TMEM135: variants seen among roughly 807,000 people sequenced by gnomAD.
TMEM135 encodes the protein peroxisomal membrane protein 52.
TMEM135 carries 30 observed loss-of-function variants against 60.3 expected under a neutral mutation model. That is an observed-to-expected ratio of 0.50 (90% CI 0.37 to 0.68). TMEM135 has a LOEUF of 0.68. Ranked by LOEUF, TMEM135 falls within the 30% of genes least tolerant of loss-of-function variation. The pLI is 0.00. For synonymous variants in TMEM135, 190 were observed against 186.7 expected, an observed-to-expected ratio of 1.02 and a Z score of -0.14; for missense variants, 468 against 548.8, an observed-to-expected ratio of 0.85 and a Z score of 1.47.
chr11:87,251,505 C>T lies in TMEM135; in HGVS notation c.509+14821C>T, dbSNP rs531240438. Among the ~76,000 whole-genome samples the T allele has an allele frequency of 1.3e-4, 20 of 152,170 alleles. No homozygotes were observed. The South Asian group carries it at 4.2e-3, about 32-fold the overall frequency. Reference sequence around the variant, plus strand: ...AAAGTGTAAATTAACATGTGGGCCTCATAGGTAGGGCTTTGAGGATTGAAT... The same window carrying T: ...AAAGTGTAAATTAACATGTGGGCCTTATAGGTAGGGCTTTGAGGATTGAAT... On this transcript the variant is annotated intron_variant, in intron 6 of 14. Transcript: ENST00000305494.
intron 6 of TMEM135, among the ~76,000 whole-genome samples, chr11:87,267,555 A>T (rs1400283660): frequency 6.6e-6 from 1 of 152,198 alleles, no homozygotes. Flanking sequence ...AGCATCAAAT[A>T]GTTATGTAAG....
intron 4 of TMEM135, among the ~76,000 whole-genome samples, chr11:87,124,198 AG>A (rs1937657471): frequency 6.6e-6 from 1 of 152,192 alleles, no homozygotes; most frequent in African/African-American, 2.4e-5. Flanking sequence ...ATAAAAAAAT[AG>A]GAATTAAGGG....
intron 9 of TMEM135, 35 bp from the exon 10 acceptor site, chr11:87,309,470 T>A: frequency 6.2e-7 from 1 of 1,612,230 alleles, no homozygotes; most frequent in Non-Finnish European, 8.5e-7. Flanking sequence ...TCAAAATTTG[T>A]TTGTAAATCA....
intron 5 of TMEM135, among the ~76,000 whole-genome samples, chr11:87,206,587 A>G (rs1309270697): frequency 6.6e-6 from 1 of 152,180 alleles, no homozygotes; most frequent in East Asian, 1.9e-4. Context: ...CAGTGTTGCT[A>G]AGAGGTTAAT....
chr11:87,114,890 G>A (rs965651225), intron 4 of TMEM135, among the ~76,000 whole-genome samples: 1 of 152,134 alleles, frequency 6.6e-6, no homozygotes, highest in Non-Finnish European at 1.5e-5. Context: ...TATAACAAAG[G>A]GCTTTGACAG....
intron 5 of TMEM135, among the ~76,000 whole-genome samples, chr11:87,160,106 G>T (rs1227887766): frequency 6.6e-6 from 1 of 152,034 alleles, no homozygotes; most frequent in Non-Finnish European, 1.5e-5. Context: ...AAAAAAGTTG[G>T]TATATCCAAA....
At chr11:87,045,322 A>G (rs533692505) in intron 1 of TMEM135, among the ~76,000 whole-genome samples, 5 of 151,936 alleles carry the variant, frequency 3.3e-5, no homozygotes, top group Admixed American at 1.3e-4. Flanking sequence ...GAGCCACCGC[A>G]CCCGGCTGAA....
chr11:87,149,723 C>G (rs552897576), intron 4 of TMEM135, among the ~76,000 whole-genome samples: 15 of 152,308 alleles, frequency 9.8e-5, no homozygotes, highest in African/African-American at 3.1e-4. Flanking sequence ...ATTCTAGCCA[C>G]AAGTCAATCT....
rs139923182 is a variant in TMEM135, at chr11:87,187,678, C to T, written c.462+30272C>T. ...TTAAATTTACTTAATGCGTATAGTACTTTGACTATTGATAATCTTTTGATG... is the reference window on the plus strand; with the variant it reads ...TTAAATTTACTTAATGCGTATAGTATTTTGACTATTGATAATCTTTTGATG... On this transcript the variant is annotated intron_variant, in intron 5 of 14. Coordinates refer to ENST00000305494, the MANE Select transcript of TMEM135 (RefSeq NM_022918.4). Among the ~76,000 whole-genome samples, 729 of 152,276 alleles carry T rather than the reference C, an allele frequency of 4.8e-3. 1 individual carries two copies. Among genetic ancestry groups the T allele is most frequent in the Non-Finnish European group, 7.0e-3 (476 of 68,020 alleles).
chr11:87,169,240 C>T (rs889985212), intron 5 of TMEM135, among the ~76,000 whole-genome samples: 5 of 147,994 alleles, frequency 3.4e-5, no homozygotes, highest in Non-Finnish European at 7.4e-5. Context: ...ACTGATGGGT[C>T]TTGACTCTTT....
intron 7 of TMEM135, among the ~76,000 whole-genome samples, chr11:87,298,166 C>A (rs1176547240): frequency 6.6e-6 from 1 of 151,998 alleles, no homozygotes; most frequent in Non-Finnish European, 1.5e-5. Flanking sequence ...GTCAAAAGTG[C>A]AAAATTTAAT....
chr11:87,281,794 C>G (rs926767498), intron 6 of TMEM135, among the ~76,000 whole-genome samples: 1 of 152,152 alleles, frequency 6.6e-6, no homozygotes, highest in Non-Finnish European at 1.5e-5. Context: ...AACACAGTTT[C>G]CTATGTTTGT....
At chr11:87,144,029 A>ATG (rs1394773804) in intron 4 of TMEM135, among the ~76,000 whole-genome samples, 1 of 152,122 alleles carries the variant, frequency 6.6e-6, no homozygotes, top group African/African-American at 2.4e-5. Context: ...GAGACGAATG[A>ATG]TGTGACCTTT....
intron 10 of TMEM135, among the ~76,000 whole-genome samples, chr11:87,310,239 CCAT>C (rs1463851539): frequency 6.6e-6 from 1 of 152,090 alleles, no homozygotes; most frequent in Non-Finnish European, 1.5e-5. Flanking sequence ...ATAAAAGTGT[CCAT>C]ACATATATAA....
intron 3 of TMEM135, 26 bp from the exon 4 acceptor site, chr11:87,091,336 T>A (rs760672953): frequency 1.2e-6 from 2 of 1,602,934 alleles, no homozygotes; most frequent in African/African-American, 2.7e-5. Flanking sequence ...TGAAGTTTAA[T>A]ATCTTCCTTT....
intron 1 of TMEM135, among the ~76,000 whole-genome samples, chr11:87,053,270 G>C (rs4943971): frequency 6.8e-6 from 1 of 146,606 alleles, no homozygotes; most frequent in Admixed American, 6.9e-5. Flanking sequence ...AAAAAAATTC[G>C]TGCCTCAATT....
At chr11:87,043,965 C>G (rs1464611631) in intron 1 of TMEM135, among the ~76,000 whole-genome samples, 1 of 152,044 alleles carries the variant, frequency 6.6e-6, no homozygotes, top group Non-Finnish European at 1.5e-5. Flanking sequence ...TTTAGGACCT[C>G]TAGATTAAGG....
intron 5 of TMEM135, among the ~76,000 whole-genome samples, chr11:87,232,518 G>T (rs1222671769): frequency 6.6e-6 from 1 of 152,076 alleles, no homozygotes; most frequent in African/African-American, 2.4e-5. Context: ...AGTGACATTT[G>T]TAAACCACTG....
Position 87,305,950 on chromosome 11 carries a change from C to A in TMEM135, c.713C>A (p.Pro238Gln). 6.2e-7 allele frequency: 1 copy of A among 1,602,646 alleles called. No homozygotes were observed. Among genetic ancestry groups the A allele is most frequent in the Non-Finnish European group, 8.5e-7 (1 of 1,173,766 alleles). Residue 238 changes from proline to glutamine, a missense_variant, in exon 9 of 15, where the codon CCA becomes CAA. Transcript: ENST00000305494. ...TTCAATTTCAGATGCAAACATGGAC[C>A]AAGGCATAGATGTTGCAAACATTAT... Reference protein sequence around the residue: ...KFVDSICKHGPRHRCCKHYED... With the variant: ...KFVDSICKHGQRHRCCKHYED...
Sources: allele counts gnomAD v4.1 joint callset (sites outside exome capture counted in the v4.1 genomes callset), GRCh38; gene constraint gnomAD v4.1.1; transcripts MANE v1.5; gene names NCBI Gene and HGNC (gene_info 2026-07-23, HGNC 2026-07-21).